The following STS variants were observed in gnomAD, a reference collection of about 807,000 sequenced individuals.
The protein encoded by STS is steryl-sulfatase.
STS carries 7 observed loss-of-function variants against 26.8 expected under a neutral mutation model. The observed-to-expected ratio is 0.26, with a 90% CI of 0.15 to 0.49. The LOEUF is 0.49. STS is among the 20% of genes least tolerant of loss of function. The probability of loss-of-function intolerance (pLI) is 0.98; values close to 1 mark genes in which losing one functional copy is unlikely to be tolerated. For missense variants in STS, 434 were observed against 465.6 expected (o/e 0.93, Z 0.63); for synonymous variants, 199 against 189.4 (o/e 1.05, Z -0.42).
intron 1 of STS, among the ~76,000 whole-genome samples, chrX:7,151,277 C>A (rs1933006445): frequency 9.0e-6 from 1 of 111,724 alleles, no homozygotes; most frequent in African/African-American, 3.3e-5. Context: ...CTGTTATTCT[C>A]TTTACTTTTC....
At chrX:7,311,467 C>A (rs181535874) in intron 8 of STS, among the ~76,000 whole-genome samples, 1 of 111,587 alleles carries the variant, frequency 9.0e-6, no homozygotes, top group East Asian at 2.8e-4. Flanking sequence ...TGTTGTTCTG[C>A]CATTAATTCT....
At chrX:7,263,001 A>G (rs1329504334) in intron 6 of STS, among the ~76,000 whole-genome samples, 4 of 112,464 alleles carry the variant, frequency 3.6e-5, no homozygotes, top group African/African-American at 6.5e-5. Context: ...TTGGTCAACA[A>G]TGGACCACGT....
chrX:7,319,631 C>T (rs1254204640), intron 8 of STS, among the ~76,000 whole-genome samples: 1 of 109,871 alleles, frequency 9.1e-6, no homozygotes. Context: ...GAAATTCGCT[C>T]GGTGCCTCAG....
chrX:7,306,443 A>T (rs1008302420), intron 8 of STS, among the ~76,000 whole-genome samples: 1 of 111,618 alleles, frequency 9.0e-6, no homozygotes, highest in Non-Finnish European at 1.9e-5. Context: ...TGAAAGGATG[A>T]TATAGGGAAT....
intron 9 of STS, among the ~76,000 whole-genome samples, chrX:7,333,093 T>C (rs1474957274): frequency 1.8e-5 from 2 of 112,108 alleles, no homozygotes; most frequent in Non-Finnish European, 3.8e-5. Context: ...AACTTCCAGT[T>C]TCTAAACGCC....
At chrX:7,183,684 T>C (rs1042723972) in intron 1 of STS, among the ~76,000 whole-genome samples, 1 of 112,229 alleles carries the variant, frequency 8.9e-6, no homozygotes. Context: ...TTTTTGAGAT[T>C]TCAAATCACC....
At chrX:7,253,574 C>T (rs1923250488) in intron 3 of STS, among the ~76,000 whole-genome samples, 1 of 112,189 alleles carries the variant, frequency 8.9e-6, no homozygotes, top group Non-Finnish European at 1.9e-5. Flanking sequence ...AGAAGGTGTG[C>T]ATCACAGTTC....
intron 2 of STS, among the ~76,000 whole-genome samples, chrX:7,226,457 A>G (rs1921808369): frequency 8.9e-6 from 1 of 111,992 alleles, no homozygotes; most frequent in Non-Finnish European, 1.9e-5. Context: ...CTTTGGGTGG[A>G]TAGATAGTTT....
intron 7 of STS, among the ~76,000 whole-genome samples, chrX:7,299,681 A>G (rs1020228733): frequency 1.8e-5 from 2 of 110,647 alleles, no homozygotes; most frequent in African/African-American, 6.6e-5. Context: ...CTGAGGTTCT[A>G]ACTCCATTGT....
rs138646436 is a variant in STS at position 7,350,073 on chromosome X, C to T, written c.1549C>T (p.Arg517Trp). The T allele has an allele frequency of 8.4e-5, 102 of 1,210,392 alleles. 1 individual carries two copies. In the African/African-American group the frequency reaches 1.1e-3, roughly 13 times the overall value. Residue 517 changes from arginine (R) to tryptophan (W), a missense_variant, in exon 11 of 11, where the codon CGG becomes TGG. By Grantham distance (101) the Arg-to-Trp change is moderately radical. This residue lies in a region of STS where 205 missense variants were observed against 177.3 expected (regional missense o/e 1.16). Transcript: ENST00000674429. ...CCCACTAACTCCAGCATCCGAGCCC[C>T]GGTTTTATGAAATCCTCAAAGTCAT... The part of the protein sequence containing the change: ...RNPLTPASEP[R>W]FYEILKVMQE...
intron 2 of STS, among the ~76,000 whole-genome samples, chrX:7,225,098 C>G (rs527827789): frequency 8.9e-6 from 1 of 112,243 alleles, no homozygotes; most frequent in East Asian, 2.8e-4. Flanking sequence ...GGTGAGATGA[C>G]AGCAATTGTC....
intron 8 of STS, among the ~76,000 whole-genome samples, chrX:7,314,152 C>T (rs1165469425): frequency 2.7e-5 from 3 of 111,511 alleles, no homozygotes; most frequent in East Asian, 2.8e-4. Flanking sequence ...CCCAGGAGTT[C>T]GAGACCAGTC....
intron 1 of STS, among the ~76,000 whole-genome samples, chrX:7,166,361 G>T (rs1198226737): frequency 9.0e-6 from 1 of 110,667 alleles, no homozygotes; most frequent in Non-Finnish European, 1.9e-5. Flanking sequence ...ACCCTGTGAG[G>T]TATTTTTGAG....
intron 8 of STS, among the ~76,000 whole-genome samples, chrX:7,307,531 G>A (rs1926277952): frequency 9.0e-6 from 1 of 111,624 alleles, no homozygotes; most frequent in Non-Finnish European, 1.9e-5. Context: ...AAGCCTGGGA[G>A]GCAGAGGCTA....
At chrX:7,323,777 C>G (rs1263306395) in intron 8 of STS, among the ~76,000 whole-genome samples, 2 of 111,670 alleles carry the variant, frequency 1.8e-5, no homozygotes, top group African/African-American at 3.3e-5. Context: ...GGCTATGTTT[C>G]TTGCTGAAAG....
intron 2 of STS, among the ~76,000 whole-genome samples, chrX:7,209,645 AT>A (rs1482183166): frequency 1.9e-5 from 2 of 103,945 alleles, no homozygotes; most frequent in African/African-American, 7.0e-5. Flanking sequence ...TTATTTTTAA[AT>A]TTTTTTCTTT....
At chrX:7,180,717 G>A (rs1933664314) in intron 1 of STS, among the ~76,000 whole-genome samples, 1 of 112,210 alleles carries the variant, frequency 8.9e-6, no homozygotes, top group East Asian at 2.8e-4. Flanking sequence ...GTGGGGGAGT[G>A]GAAATCAACT....
rs143102801 is a variant in STS, at chrX:7,186,471, G to A, written c.-133-4409G>A. On this transcript the variant is annotated intron_variant, in intron 1 of 10. Coordinates refer to ENST00000674429, the MANE Select transcript of STS (RefSeq NM_001320752.2). Reference sequence around the variant, plus strand: ...GTGTTAGCAAGACGGGGTCTAGTGAGGTGGTCATGTTGAACTGGTGAAGTC... The same window carrying A: ...GTGTTAGCAAGACGGGGTCTAGTGAAGTGGTCATGTTGAACTGGTGAAGTC... 1.3e-4 allele frequency among the ~76,000 whole-genome samples: 15 copies of A among 111,425 alleles called. No individual in the cohort carries two copies. In the East Asian group the frequency reaches 4.0e-3, roughly 30 times the overall value.
In STS at chrX:7,148,056, G is replaced by A; in HGVS notation, c.-161G>A. ...GCGGCGGCTGCACACTACCCACCCA[G>A]AAGAAGTCCGTCCATGTCAAAGATG... On this transcript the variant is annotated 5_prime_UTR_variant, in exon 1 of 11. Coordinates refer to ENST00000674429, the MANE Select transcript of STS (RefSeq NM_001320752.2). The A allele has an allele frequency of 8.8e-7, 1 of 1,137,669 alleles. No homozygotes were observed. The highest frequency in any genetic ancestry group is 1.2e-6 in the Non-Finnish European group (1 of 856,663). The allele number at this position is 1,137,669 out of a possible 1,213,427, so 93.8% of individuals were successfully genotyped here.
Sources: gnomAD v4.1 joint callset for allele counts (sites outside exome capture counted in the v4.1 genomes callset) on GRCh38, gnomAD v4.1.1 for gene constraint, gnomAD v4.1.1 regional missense constraint, MANE v1.5 for transcripts, NCBI Gene and HGNC (gene_info 2026-07-23, HGNC 2026-07-21) for gene names.